SRGAP2: variants seen among roughly 807,000 people sequenced by gnomAD.
SRGAP2 encodes the protein SLIT-ROBO Rho GTPase activating protein 2, also known as SLIT-ROBO Rho GTPase-activating protein 2.
Under a neutral mutation model 57.2 loss-of-function variants are expected in SRGAP2, and 15 were observed. The ratio of observed to expected loss-of-function variants is 0.26; its 90% confidence interval spans 0.18 to 0.40. The LOEUF is 0.40. Ranked by LOEUF, SRGAP2 falls within the 10% of genes least tolerant of loss-of-function variation. The pLI, the probability that SRGAP2 is intolerant of heterozygous loss-of-function variation, is 1.00. For synonymous variants in SRGAP2, 249 were observed against 248.0 expected (o/e 1.00, Z -0.04); for missense variants, 520 against 669.6 (o/e 0.78, Z 2.47).
chr1:206,284,034 A>AT (rs1476545422), intron 2 of SRGAP2, among the ~76,000 whole-genome samples: 3 of 151,470 alleles, frequency 2.0e-5, no homozygotes, highest in Non-Finnish European at 4.4e-5. Flanking sequence ...TTGCTAACAC[A>AT]TTTTTTAAAA....
intron 13 of SRGAP2, among the ~76,000 whole-genome samples, chr1:206,428,363 C>G (rs561327226): frequency 7.5e-5 from 11 of 147,002 alleles, no homozygotes; most frequent in African/African-American, 2.8e-4. Flanking sequence ...CTTGCAGTGA[C>G]CTGAGATCGC....
At chr1:206,259,961 T>C (rs1282887019) in intron 2 of SRGAP2, among the ~76,000 whole-genome samples, 1 of 51,956 alleles carries the variant, frequency 1.9e-5, no homozygotes, top group Non-Finnish European at 3.7e-5. Context: ...GATGCAAATC[T>C]CCCCTTTACA....
At chr1:206,238,831 C>T (rs1668038608) in intron 2 of SRGAP2, among the ~76,000 whole-genome samples, 1 of 150,934 alleles carries the variant, frequency 6.6e-6, no homozygotes, top group South Asian at 2.1e-4. Flanking sequence ...TGTCACTTTT[C>T]TTCCCAGGCC....
intron 9 of SRGAP2, among the ~76,000 whole-genome samples, chr1:206,406,096 AATGCT>A (rs1222927032): frequency 3.5e-4 from 27 of 77,800 alleles, no homozygotes; most frequent in African/African-American, 1.4e-3. Context: ...ATATTATAAT[AATGCT>A]AATATTAAAT....
At position 206,393,429 on chromosome 1, in the gene SRGAP2, C is replaced by T. The variant is rs1208392399; in HGVS notation, c.703-116C>T. 52 of 582,442 alleles carry T rather than the reference C, an allele frequency of 8.9e-5. No homozygotes were observed. In the Admixed American group the frequency reaches 1.1e-3, roughly 12 times the overall value. The allele number at this position is 582,442 out of a possible 1,614,324, so 36.1% of individuals were successfully genotyped here. ...ATTAGAACCCAATTTAAGGCAGATG[C>T]GCATAGGGAGTAGCAACACAATTGT... On this transcript the variant is annotated intron_variant, in intron 6 of 22. Transcript: ENST00000573034.
At chr1:206,240,921 C>T (rs1553309046) in intron 2 of SRGAP2, among the ~76,000 whole-genome samples, 2 of 152,170 alleles carry the variant, frequency 1.3e-5, no homozygotes, top group East Asian at 3.9e-4. Flanking sequence ...CTGTGGCTCA[C>T]ACCTGTAATC....
intron 21 of SRGAP2, 30 bp from the exon 22 acceptor site, chr1:206,458,593 T>C (rs1217974277): frequency 1.4e-6 from 1 of 700,518 alleles, no homozygotes; most frequent in African/African-American, 1.8e-5. Context: ...GGCTCCCTGA[T>C]CACACTGCCC....
At chr1:206,434,418 C>T (rs1046429981) in intron 14 of SRGAP2, among the ~76,000 whole-genome samples, 32 of 152,146 alleles carry the variant, frequency 2.1e-4, no homozygotes, top group African/African-American at 7.5e-4. Context: ...GGTTGGATCC[C>T]GTGCACAATG....
At chr1:206,354,758 C>T (rs1352155439) in intron 4 of SRGAP2, among the ~76,000 whole-genome samples, 1 of 151,050 alleles carries the variant, frequency 6.6e-6, no homozygotes, top group African/African-American at 2.4e-5. Context: ...CTCTCTCCTT[C>T]TCTCCCTCCT....
intron 17 of SRGAP2, among the ~76,000 whole-genome samples, chr1:206,444,118 A>C (rs2103351160): frequency 6.6e-6 from 1 of 151,792 alleles, no homozygotes; most frequent in African/African-American, 2.4e-5. Flanking sequence ...TGAACCCAGG[A>C]GGCAGAGGCC....
At chr1:206,334,574 A>G (rs1308884431) in intron 3 of SRGAP2, among the ~76,000 whole-genome samples, 2 of 152,146 alleles carry the variant, frequency 1.3e-5, no homozygotes, top group East Asian at 1.9e-4. Context: ...GCTTATTGCT[A>G]TTTGGCATAC....
chr1:206,457,740 C>A (rs1007418830), intron 21 of SRGAP2, among the ~76,000 whole-genome samples: 2 of 152,234 alleles, frequency 1.3e-5, no homozygotes, highest in African/African-American at 4.8e-5. Context: ...AGCTCCTTAT[C>A]TTCAGAGTCT....
chr1:206,444,412 C>G (rs954700377), intron 17 of SRGAP2, among the ~76,000 whole-genome samples: 7 of 152,186 alleles, frequency 4.6e-5, no homozygotes, highest in Admixed American at 1.3e-4. Flanking sequence ...TCATCTTCCA[C>G]AGAGCTTTGA....
intron 2 of SRGAP2, among the ~76,000 whole-genome samples, chr1:206,256,899 A>G (rs1490958781): frequency 2.7e-5 from 4 of 150,712 alleles, no homozygotes; most frequent in South Asian, 2.1e-4. Context: ...GCATTGTGCT[A>G]GTTGTTGTAC....
chr1:206,374,262 C>T (rs528935389), intron 4 of SRGAP2, among the ~76,000 whole-genome samples: 33 of 151,474 alleles, frequency 2.2e-4, no homozygotes, highest in East Asian at 7.8e-4. Context: ...GTGATCCGCC[C>T]GCTTCGGCCT....
rs560094911 is a variant in SRGAP2, at chr1:206,439,170, C to A, written c.1769-806C>A. On this transcript the variant is annotated intron_variant, in intron 16 of 22. Transcript: ENST00000573034. ...CACTCTTCTTCCTAATCCAGTACTT[C>A]CCATCTCTTTTTCATATAAAGGCAC... Among the ~76,000 whole-genome samples the A allele has an allele frequency of 3.2e-3, 488 of 152,214 alleles. 3 individuals are homozygous for A. Among genetic ancestry groups the A allele is most frequent in the Middle Eastern group, 3.4e-3 (1 of 294 alleles).
chr1:206,363,476 T>C (rs1325939571), intron 4 of SRGAP2, among the ~76,000 whole-genome samples: 1 of 152,164 alleles, frequency 6.6e-6, no homozygotes, highest in Admixed American at 6.5e-5. Flanking sequence ...ATCAGGAAAT[T>C]AACACGGAGG....
chr1:206,424,282 G>A (rs1319704897), intron 13 of SRGAP2, among the ~76,000 whole-genome samples: 1 of 152,146 alleles, frequency 6.6e-6, no homozygotes, highest in African/African-American at 2.4e-5. Context: ...AAAAGTGTAT[G>A]AAGGAATTAA....
At chr1:206,372,943 CTTTCTTTCTTTCTTTTCT>C (rs1654710227) in intron 4 of SRGAP2, among the ~76,000 whole-genome samples, 2 of 8,696 alleles carry the variant, frequency 2.3e-4, no homozygotes, top group Admixed American at 3.1e-3. Flanking sequence ...TTCTTTCTTT[CTTTCTTTCTTTCTTTTCT>C]TTCCTTTCTT....
Sources: gnomAD v4.1 joint callset for allele counts (sites outside exome capture counted in the v4.1 genomes callset) on GRCh38, gnomAD v4.1.1 for gene constraint, MANE v1.5 for transcripts, NCBI Gene and HGNC (gene_info 2026-07-23, HGNC 2026-07-21) for gene names.